The following MAD1L1 variants were observed in gnomAD, a reference collection of about 807,000 sequenced individuals.
MAD1L1 encodes the protein mitotic spindle assembly checkpoint protein MAD1.
Under a neutral mutation model 96.9 loss-of-function variants are expected in MAD1L1, and 95 were observed. The observed-to-expected ratio is 0.98, with a 90% CI of 0.83 to 1.16. MAD1L1 has a LOEUF of 1.16. MAD1L1 is among the 50% of genes most tolerant of loss of function. The probability of loss-of-function intolerance (pLI) is 0.00; values close to 1 mark genes in which losing one functional copy is unlikely to be tolerated. For missense variants in MAD1L1, 1,007 were observed against 954.4 expected (o/e 1.06, Z -0.73); for synonymous variants, 473 against 396.6 (o/e 1.19, Z -2.29).
chr7:2,122,844 T>C (rs1196046865), intron 11 of MAD1L1, among the ~76,000 whole-genome samples: 1 of 152,208 alleles, frequency 6.6e-6, no homozygotes, highest in Non-Finnish European at 1.5e-5. Context: ...GAGCTGCACA[T>C]GTGCAGGCCA....
chr7:2,217,967 T>C lies in MAD1L1; in HGVS notation c.673A>G (p.Ile225Val). Residue 225 changes from isoleucine (I) to valine (V), a missense_variant, in exon 7 of 19, where the codon ATT becomes GTT. By Grantham distance (29) the Ile-to-Val change is conservative (BLOSUM62 3). Coordinates refer to ENST00000265854, the MANE Select transcript of MAD1L1 (RefSeq NM_001013836.2). ...ACTGACAGGGAGTGACTCACCTTAA[T>C]CTGCTGCTCGTGGTCTGCTCTTGCT... ...QEARADHEQQIKDLEQKLSLQ... is the reference protein window; with the variant it reads ...QEARADHEQQVKDLEQKLSLQ... The C allele has an allele frequency of 2.5e-6, 4 of 1,613,500 alleles. No individual in the cohort carries two copies. The highest frequency in any genetic ancestry group is 2.5e-6 in the Non-Finnish European group (3 of 1,179,368).
At chr7:1,869,234 G>A (rs1361924600) in intron 18 of MAD1L1, among the ~76,000 whole-genome samples, 1 of 152,172 alleles carries the variant, frequency 6.6e-6, no homozygotes, top group Non-Finnish European at 1.5e-5. Flanking sequence ...GGGAACGCCA[G>A]GGAAGGAGCA....
chr7:1,944,487 A>G (rs1554506), intron 16 of MAD1L1, among the ~76,000 whole-genome samples: 132,600 of 152,164 alleles, frequency 0.87, 58,796 homozygotes, highest in Non-Finnish European at 0.96. Flanking sequence ...CTTTGCATGT[A>G]CCACGATTTC....
chr7:2,068,248 C>T (rs1784969987), intron 12 of MAD1L1, among the ~76,000 whole-genome samples: 1 of 152,196 alleles, frequency 6.6e-6, no homozygotes, highest in South Asian at 2.1e-4. Flanking sequence ...CAGTCAGTGC[C>T]CGAGGGACCT....
In MAD1L1 at chr7:2,019,507, C is replaced by T. The variant is rs146281494; in HGVS notation, c.1219-4865G>A. Among the ~76,000 whole-genome samples, 1,247 of 152,360 alleles carry T rather than the reference C, an allele frequency of 8.2e-3. 13 individuals carry two copies. The highest frequency in any genetic ancestry group is 0.014 in the Non-Finnish European group (932 of 68,026). On this transcript the variant is annotated intron_variant, in intron 12 of 18. Transcript: ENST00000265854. ...CTGAACCCACCCTCCTTGTGCAAAA[C>T]GGGGGCACGAATGCCCCAAAGAGTG... is the stretch of plus-strand genomic sequence containing the variant.
chr7:2,110,713 T>C (rs1166438033), intron 11 of MAD1L1, among the ~76,000 whole-genome samples: 1 of 152,238 alleles, frequency 6.6e-6, no homozygotes, highest in African/African-American at 2.4e-5. Context: ...CTTTCAGATC[T>C]GTGACGGGCT....
At position 1,818,952 on chromosome 7, in the gene MAD1L1, C is replaced by T. The variant is rs139769963; in HGVS notation, c.1999-2724G>A. Among the ~76,000 whole-genome samples, 1,397 of 152,236 alleles carry T rather than the reference C, an allele frequency of 9.2e-3. 27 individuals carry two copies. The highest frequency in any genetic ancestry group is 0.031 in the Middle Eastern group (9 of 294). On this transcript the variant is annotated intron_variant, in intron 18 of 18. Coordinates refer to ENST00000265854, the MANE Select transcript of MAD1L1 (RefSeq NM_001013836.2). Reference sequence around the variant, plus strand: ...GAAGGCAGACCCAGCGTTTGCAAAACACCAGCCCCCGGTGAACAAGTCGAC... The same window carrying T: ...GAAGGCAGACCCAGCGTTTGCAAAATACCAGCCCCCGGTGAACAAGTCGAC...
intron 12 of MAD1L1, among the ~76,000 whole-genome samples, chr7:2,019,681 G>T (rs540889948): frequency 7.2e-6 from 1 of 138,376 alleles, no homozygotes. Flanking sequence ...ACAAGGCCAC[G>T]CCTCGCCACC....
At chr7:1,959,409 G>A (rs929338743) in intron 15 of MAD1L1, among the ~76,000 whole-genome samples, 1 of 152,186 alleles carries the variant, frequency 6.6e-6, no homozygotes, top group African/African-American at 2.4e-5. Flanking sequence ...AATACTATAA[G>A]AAAGTTCCAC....
In MAD1L1 at chr7:2,146,910, G is replaced by C. The variant is rs1789337991; in HGVS notation, c.1073+2242C>G. Among the ~76,000 whole-genome samples the C allele has an allele frequency of 1.3e-5, 2 of 152,040 alleles. No homozygotes were observed. Among genetic ancestry groups the C allele is most frequent in the Non-Finnish European group, 2.9e-5 (2 of 68,000 alleles). The stretch of plus-strand genomic sequence containing the variant: ...GAAGAGAGCAGCAGCCCAGAGGCCA[G>C]AACGCAAGCACCAAGGCCACGACGG... On this transcript the variant is annotated intron_variant, in intron 11 of 18. Transcript: ENST00000265854. The surrounding 1 kb of genome is among the most constrained non-coding windows in gnomAD (Gnocchi z 6.2).
chr7:2,149,394 C>T (rs564605352), intron 10 of MAD1L1, among the ~76,000 whole-genome samples, 156 bp from the exon 11 acceptor site: 11 of 152,282 alleles, frequency 7.2e-5, no homozygotes, highest in East Asian at 1.9e-4. Context: ...GCAGCATGCA[C>T]GCACTACAGC....
At chr7:2,006,551 A>G (rs1782037432) in intron 13 of MAD1L1, among the ~76,000 whole-genome samples, 1 of 151,804 alleles carries the variant, frequency 6.6e-6, no homozygotes. Flanking sequence ...GGCCCAGCAC[A>G]GGAGAGACGG....
At chr7:1,868,661 G>A (rs1784895962) in intron 18 of MAD1L1, among the ~76,000 whole-genome samples, 1 of 152,234 alleles carries the variant, frequency 6.6e-6, no homozygotes, top group African/African-American at 2.4e-5. Flanking sequence ...CACAGCCCAT[G>A]CCGGGTAGGA....
chr7:2,159,977 C>T (rs1312779859), intron 10 of MAD1L1, among the ~76,000 whole-genome samples: 1 of 152,106 alleles, frequency 6.6e-6, no homozygotes. Context: ...CCTGTAATCC[C>T]AGCACTTTGG....
chr7:2,007,756 C>T (rs528444847), intron 13 of MAD1L1, among the ~76,000 whole-genome samples: 1 of 152,330 alleles, frequency 6.6e-6, no homozygotes, highest in South Asian at 2.1e-4. Flanking sequence ...CCTGCATTCA[C>T]AGGAAGTCTG....
At chr7:2,232,128 T>C (rs1382460390) in intron 1 of MAD1L1, among the ~76,000 whole-genome samples, 1 of 152,184 alleles carries the variant, frequency 6.6e-6, no homozygotes, top group Admixed American at 6.5e-5. Context: ...GCGCTTACTA[T>C]GGGCTCATGG....
chr7:1,840,792 C>T (rs898016957), intron 18 of MAD1L1, among the ~76,000 whole-genome samples: 9 of 152,218 alleles, frequency 5.9e-5, no homozygotes, highest in African/African-American at 1.7e-4. Flanking sequence ...AAGGTTTTAG[C>T]GGCCTGGGCA....
At chr7:2,111,201 C>A (rs548214230) in intron 11 of MAD1L1, among the ~76,000 whole-genome samples, 4 of 152,332 alleles carry the variant, frequency 2.6e-5, no homozygotes, top group South Asian at 2.1e-4. Flanking sequence ...TCGCTCCCCC[C>A]ACACCATGCG....
In MAD1L1 at chr7:2,014,381, T is replaced by C; in HGVS notation, c.1359+121A>G. 3 of 1,330,242 alleles carry C rather than the reference T, an allele frequency of 2.3e-6. No homozygotes were observed. The South Asian group carries it at 4.6e-5, about 20-fold the overall frequency. 82.4% of individuals were successfully genotyped at this position (1,330,242 alleles called of 1,614,324 possible). On this transcript the variant is annotated intron_variant, in intron 13 of 18. Transcript: ENST00000265854. ...GTGGACACCCTCCCTGACAGACACC[T>C]GCCAGCCGGGAACTGGGGAGGCGGG...
Sources: gnomAD v4.1 joint callset for allele counts (sites outside exome capture counted in the v4.1 genomes callset) on GRCh38, gnomAD v4.1.1 for gene constraint, Gnocchi (gnomAD v3.1) non-coding constraint, MANE v1.5 for transcripts, NCBI Gene and HGNC (gene_info 2026-07-23, HGNC 2026-07-21) for gene names.